Variants in NMRAL1 observed in about 807,000 individuals in gnomAD.
NMRAL1 encodes NmrA like redox sensor 1.
In NMRAL1, 32 loss-of-function variants were observed where a neutral mutation model predicts 27.5. That is an observed-to-expected ratio of 1.16 (90% CI 0.88 to 1.56). The LOEUF is 1.56. Ranked by LOEUF, NMRAL1 falls within the 40% of genes most tolerant of loss-of-function variation. The pLI is 0.00. For missense variants in NMRAL1, 420 were observed against 392.0 expected, an observed-to-expected ratio of 1.07 and a Z score of -0.60; for synonymous variants, 166 against 166.8, an observed-to-expected ratio of 1.00 and a Z score of 0.04.
At position 4,463,663 on chromosome 16, in the gene NMRAL1, G is replaced by C. The variant is rs2057199577; in HGVS notation, c.717C>G (p.Ala239=). Residue 239 remains alanine, a synonymous_variant, in exon 5 of 6, where the codon GCC becomes GCG. Coordinates refer to ENST00000283429, the MANE Select transcript of NMRAL1 (RefSeq NM_020677.6). ...TCACCTGGGGCGGGAGGCCCACCTT[G>C]GCATCGTGCACGACCTTGCGGGTGT... ...TKHTRKVVHD[A]KMTPEDYEKL... The C allele has an allele frequency of 2.5e-6, 4 of 1,613,028 alleles. No individual in the cohort carries two copies. The East Asian group carries it at 6.7e-5, about 27-fold the overall frequency.
At chr16:4,465,021 C>T (rs1051668623) in intron 4 of NMRAL1, among the ~76,000 whole-genome samples, 9 of 152,052 alleles carry the variant, frequency 5.9e-5, no homozygotes, top group African/African-American at 2.2e-4. Flanking sequence ...GATTCTTCTG[C>T]CTCAGCCTCC....
intron 1 of NMRAL1, 178 bp from the exon 2 acceptor site, chr16:4,474,344 G>C (rs978433335): frequency 9.5e-6 from 5 of 523,702 alleles, no homozygotes; most frequent in Middle Eastern, 3.3e-4. Flanking sequence ...TGTCCCTTGG[G>C]CCCGATCCCC....
At chr16:4,470,525 C>T (rs555950506) in intron 2 of NMRAL1, among the ~76,000 whole-genome samples, 1 of 151,950 alleles carries the variant, frequency 6.6e-6, no homozygotes, top group Admixed American at 6.6e-5. Context: ...AAGTAGAATA[C>T]AAAACCATAT....
At chr16:4,466,467 C>T in intron 3 of NMRAL1, 65 bp from the exon 4 acceptor site, 1 of 1,546,370 alleles carries the variant, frequency 6.5e-7, no homozygotes. Context: ...GGTCACAGCC[C>T]CAGCATTCTA....
chr16:4,466,449 C>T, intron 3 of NMRAL1, 47 bp from the exon 4 acceptor site: 1 of 1,589,010 alleles, frequency 6.3e-7, no homozygotes, highest in Non-Finnish European at 8.6e-7. Context: ...AGAAGGATGT[C>T]TGTCCCTGGT....
intron 2 of NMRAL1, 88 bp from the exon 3 acceptor site, chr16:4,469,553 G>A: frequency 6.4e-7 from 1 of 1,568,962 alleles, no homozygotes; most frequent in Non-Finnish European, 8.7e-7. Flanking sequence ...CTCCACCACA[G>A]CAAGGAGCAT....
At chr16:4,463,077 A>G (rs1473570711) in intron 5 of NMRAL1, among the ~76,000 whole-genome samples, 2 of 149,306 alleles carry the variant, frequency 1.3e-5, no homozygotes, top group African/African-American at 5.0e-5. Flanking sequence ...CTGGTCTCAA[A>G]CTCCTGACCT....
At position 4,466,146 on chromosome 16, in the gene NMRAL1, C is replaced by T; in HGVS notation, c.529+7G>A. The T allele has an allele frequency of 1.2e-6, 2 of 1,614,064 alleles. No individual in the cohort carries two copies. Among genetic ancestry groups the T allele is most frequent in the Non-Finnish European group, 1.7e-6 (2 of 1,179,968 alleles). ...CTGCCTCACCGTGTGCGAGAAAGGG[C>T]ACTTACTCAGCAAGTAGCTCTTTCC... On this transcript the variant is annotated splice_region_variant and intron_variant, in intron 4 of 5. Transcript: ENST00000283429.
chr16:4,470,804 G>A (rs1039306938), intron 2 of NMRAL1, among the ~76,000 whole-genome samples: 4 of 151,590 alleles, frequency 2.6e-5, no homozygotes, highest in South Asian at 2.1e-4. Context: ...AAACTTAGCC[G>A]GGCGTGGTGG....
chr16:4,467,962 G>T (rs572766707), intron 3 of NMRAL1, among the ~76,000 whole-genome samples: 1 of 151,832 alleles, frequency 6.6e-6, no homozygotes, highest in South Asian at 2.1e-4. Flanking sequence ...GTCCTTTTTC[G>T]TGACAGTACC....
chr16:4,474,410 C>A (rs1258714999), intron 1 of NMRAL1, 144 bp downstream of exon 1: 2 of 457,972 alleles, frequency 4.4e-6, no homozygotes, highest in Non-Finnish European at 4.0e-6. Flanking sequence ...CGGGTCCCAC[C>A]GGCTGGAGTG....
At chr16:4,466,096 C>A in intron 4 of NMRAL1, 57 bp downstream of exon 4, 6 of 1,603,602 alleles carry the variant, frequency 3.7e-6, no homozygotes. Flanking sequence ...GTCTGTTACA[C>A]CAACGGCTTT....
chr16:4,472,378 G>A (rs948280299), intron 2 of NMRAL1, among the ~76,000 whole-genome samples: 2 of 151,942 alleles, frequency 1.3e-5, no homozygotes, highest in African/African-American at 4.8e-5. Flanking sequence ...GGAGGCAGAG[G>A]TTGCAGCGAG....
chr16:4,464,552 C>A (rs868073443), intron 4 of NMRAL1, among the ~76,000 whole-genome samples: 3 of 151,832 alleles, frequency 2.0e-5, no homozygotes, highest in African/African-American at 7.3e-5. Flanking sequence ...GTTCAGATCA[C>A]CTGGGAGCTC....
At chr16:4,474,204 C>T in intron 1 of NMRAL1, 38 bp from the exon 2 acceptor site, 1 of 1,501,034 alleles carries the variant, frequency 6.7e-7, no homozygotes, top group East Asian at 2.3e-5. Flanking sequence ...GGGGTGGGGC[C>T]GGGGTTCCCG....
intron 3 of NMRAL1, chr16:4,466,648 G>GA (rs985004172): frequency 3.2e-5 from 17 of 533,264 alleles, no homozygotes; most frequent in African/African-American, 2.5e-4. Context: ...TAGGACGGGG[G>GA]GGCAGGTCGG....
chr16:4,473,404 C>T (rs1001254384), intron 2 of NMRAL1, among the ~76,000 whole-genome samples: 5 of 151,780 alleles, frequency 3.3e-5, no homozygotes, highest in Admixed American at 2.0e-4. Context: ...AATTATATCT[C>T]AATAAAGCTG....
In NMRAL1 at chr16:4,461,749, G is replaced by A. The variant is rs752342281; in HGVS notation, c.*31C>T. The A allele has an allele frequency of 3.2e-5, 51 of 1,569,348 alleles. No individual in the cohort carries two copies. The highest frequency in any genetic ancestry group is 1.7e-4 in the Middle Eastern group (1 of 5,866). On this transcript the variant is annotated 3_prime_UTR_variant, in exon 6 of 6. Coordinates refer to ENST00000283429, the MANE Select transcript of NMRAL1 (RefSeq NM_020677.6). ...GTGCCTCTGCCCCTCTGGTGCCCCC[G>A]ATCCCCACAAGGGGCCGCGAGGCGG...
intron 3 of NMRAL1, 53 bp from the exon 4 acceptor site, chr16:4,466,455 C>T (rs754054957): frequency 1.3e-6 from 2 of 1,573,638 alleles, no homozygotes; most frequent in Middle Eastern, 2.3e-4. Context: ...ATGTCTGTCC[C>T]TGGTCACAGC....
Sources: gnomAD v4.1 joint callset for allele counts (sites outside exome capture counted in the v4.1 genomes callset) on GRCh38, gnomAD v4.1.1 for gene constraint, MANE v1.5 for transcripts, NCBI Gene and HGNC (gene_info 2026-07-23, HGNC 2026-07-21) for gene names.